EYS: variants seen among roughly 807,000 people sequenced by gnomAD.
EYS encodes the protein protein eyes shut homolog.
EYS carries 250 observed loss-of-function variants against 282.1 expected under a neutral mutation model. That is an observed-to-expected ratio of 0.89 (90% confidence interval 0.80 to 0.98). The LOEUF is 0.98. EYS is among the 50% of genes least tolerant of loss of function. The probability of loss-of-function intolerance (pLI) is 0.00; values close to 1 mark genes in which losing one functional copy is unlikely to be tolerated. For missense variants in EYS, 4,016 were observed against 3,709.0 expected (o/e 1.08, Z -2.15); for synonymous variants, 1,355 against 1,282.9 (o/e 1.06, Z -1.20).
At chr6:63,968,039 T>C (rs1766386321) in intron 35 of EYS, among the ~76,000 whole-genome samples, 1 of 152,206 alleles carries the variant, frequency 6.6e-6, no homozygotes, top group Admixed American at 6.5e-5. Flanking sequence ...TGTGAGATTG[T>C]ACTGTCACAA....
At chr6:64,920,116 G>C (rs7773359) in intron 15 of EYS, among the ~76,000 whole-genome samples, 93,505 of 151,516 alleles carry the variant, frequency 0.62, 28,952 homozygotes, top group African/African-American at 0.66. Flanking sequence ...CAGAAACCAT[G>C]AGAATGGGGT....
At chr6:64,895,553 T>C (rs993880190) in intron 18 of EYS, among the ~76,000 whole-genome samples, 2 of 152,146 alleles carry the variant, frequency 1.3e-5, no homozygotes, top group African/African-American at 4.8e-5. Flanking sequence ...TATTGAGATA[T>C]TTCAAAGGGA....
At chr6:64,669,605 T>C (rs770188423) in intron 22 of EYS, among the ~76,000 whole-genome samples, 2 of 152,228 alleles carry the variant, frequency 1.3e-5, no homozygotes, top group African/African-American at 2.4e-5. Context: ...TTATTTTTAT[T>C]TGTGCAATGG....
intron 2 of EYS, among the ~76,000 whole-genome samples, chr6:65,538,571 CA>C (rs1259160713): frequency 2.0e-5 from 3 of 151,912 alleles, no homozygotes; most frequent in African/African-American, 4.8e-5. Flanking sequence ...GAGTATCTCC[CA>C]AAAAAAGTAG....
At chr6:65,115,288 T>C (rs901880826) in intron 12 of EYS, among the ~76,000 whole-genome samples, 8 of 152,062 alleles carry the variant, frequency 5.3e-5, no homozygotes, top group Non-Finnish European at 1.2e-4. Context: ...CCTATGACCA[T>C]TGAAGTTTTC....
intron 31 of EYS, among the ~76,000 whole-genome samples, chr6:64,188,784 C>T (rs777051588): frequency 4.6e-5 from 7 of 152,176 alleles, no homozygotes; most frequent in Middle Eastern, 6.8e-3. Flanking sequence ...AACGTGTATG[C>T]GTGCACATGT....
At chr6:65,319,215 A>C (rs1274706180) in intron 11 of EYS, among the ~76,000 whole-genome samples, 1 of 146,994 alleles carries the variant, frequency 6.8e-6, no homozygotes, top group Non-Finnish European at 1.5e-5. Flanking sequence ...AAAAAAAAAA[A>C]AAAAAAAAAA....
At position 65,494,852 on chromosome 6, in the gene EYS, C is replaced by G. The variant is rs779319928; in HGVS notation, c.559G>C (p.Gly187Arg). 3.1e-6 allele frequency: 5 copies of G among 1,614,056 alleles called. No individual in the cohort carries two copies. In the South Asian group the frequency reaches 4.4e-5, roughly 14 times the overall value. Residue 187 changes from glycine (G) to arginine (R), a missense_variant, in exon 4 of 43, where the codon GGT becomes CGT. Transcript: ENST00000503581. ...CTCCAAGCTTCACTAAGACATTTAC[C>G]ATGACCAGAGCAAAATTCTGAACTC... ...SLSSEFCSGH[G>R]KCLSEAWSKT...
intron 12 of EYS, among the ~76,000 whole-genome samples, chr6:65,204,905 G>A (rs531387178): frequency 7.9e-5 from 8 of 101,544 alleles, no homozygotes; most frequent in Non-Finnish European, 1.5e-4. Flanking sequence ...CTGGAAGAAT[G>A]TATTTATATA....
At chr6:64,337,871 A>G (rs1770914228) in intron 29 of EYS, among the ~76,000 whole-genome samples, 1 of 152,130 alleles carries the variant, frequency 6.6e-6, no homozygotes, top group Non-Finnish European at 1.5e-5. Flanking sequence ...GGAATTAAAA[A>G]GAAACATCAC....
At chr6:64,775,470 T>C (rs965520601) in intron 22 of EYS, among the ~76,000 whole-genome samples, 31 of 152,060 alleles carry the variant, frequency 2.0e-4, no homozygotes, top group Non-Finnish European at 4.3e-4. Flanking sequence ...AGCTTCATTG[T>C]TCTCTTTTAT....
chr6:64,393,248 A>T (rs1773223966), intron 28 of EYS, among the ~76,000 whole-genome samples: 1 of 152,228 alleles, frequency 6.6e-6, no homozygotes, highest in Admixed American at 6.5e-5. Flanking sequence ...TCCAATCAAT[A>T]GAAAAAGAGG....
chr6:63,864,217 T>C lies in EYS; in HGVS notation c.7197A>G (p.Pro2399=). The change falls in exon 36 of 43, where the codon CCA becomes CCG. Residue 2399 remains proline (P), a synonymous_variant. Coordinates refer to ENST00000503581, the MANE Select transcript of EYS (RefSeq NM_001142800.2). ...KSGTDIVCLC[P]YGRSGPLCTD... ...TGCAGAGGGGTCCAGACCTCCCATA[T>C]GGGCAGAGGCAGACAATATCTGTTC... is the stretch of plus-strand genomic sequence containing the variant. 1 of 1,547,282 alleles carries C rather than the reference T, an allele frequency of 6.5e-7. No individual in the cohort carries two copies. Among genetic ancestry groups the C allele is most frequent in the East Asian group, 2.4e-5 (1 of 40,818 alleles).
chr6:65,172,217 CTA>C (rs1765121208), intron 12 of EYS, among the ~76,000 whole-genome samples: 2 of 151,552 alleles, frequency 1.3e-5, no homozygotes, highest in South Asian at 2.1e-4. Flanking sequence ...ATAAATCAGT[CTA>C]TGATTTCATA....
intron 1 of EYS, among the ~76,000 whole-genome samples, chr6:65,686,274 G>A (rs1769010594): frequency 6.6e-6 from 1 of 152,006 alleles, no homozygotes; most frequent in Non-Finnish European, 1.5e-5. Flanking sequence ...ACAATGCTAA[G>A]AGCCCTTAAT....
chr6:65,488,961 T>C (rs1306654598), intron 5 of EYS, among the ~76,000 whole-genome samples: 1 of 152,084 alleles, frequency 6.6e-6, no homozygotes, highest in Non-Finnish European at 1.5e-5. Context: ...CCTTACTCCT[T>C]ATACAAAAAT....
intron 13 of EYS, among the ~76,000 whole-genome samples, chr6:65,014,898 C>G (rs1467194248): frequency 6.6e-6 from 1 of 152,088 alleles, no homozygotes; most frequent in Non-Finnish European, 1.5e-5. Context: ...CCTATTTTAT[C>G]TGGGTAGGCC....
intron 24 of EYS, among the ~76,000 whole-genome samples, chr6:64,616,857 G>GT (rs1299674837): frequency 6.6e-6 from 1 of 151,974 alleles, no homozygotes; most frequent in East Asian, 1.9e-4. Context: ...ACCAATTGCT[G>GT]TTTTTTCACT....
At chr6:64,838,530 C>T (rs547957502) in intron 19 of EYS, among the ~76,000 whole-genome samples, 1 of 151,646 alleles carries the variant, frequency 6.6e-6, no homozygotes, top group African/African-American at 2.4e-5. Context: ...TAAACATTTT[C>T]ATTTGGAAAT....
Sources: allele counts gnomAD v4.1 joint callset (sites outside exome capture counted in the v4.1 genomes callset), GRCh38; gene constraint gnomAD v4.1.1; transcripts MANE v1.5; gene names NCBI Gene and HGNC (gene_info 2026-07-23, HGNC 2026-07-21).